The following FSTL5 variants were observed in gnomAD, a reference collection of about 807,000 sequenced individuals.
FSTL5 encodes follistatin like 5.
A neutral mutation model predicts 89.1 loss-of-function variants in FSTL5; 62 were observed. The ratio of observed to expected loss-of-function variants is 0.70; its 90% confidence interval spans 0.57 to 0.86. FSTL5 has a LOEUF of 0.86. FSTL5 is among the 40% of genes least tolerant of loss of function. FSTL5 has a pLI of 0.00. For missense variants in FSTL5, 1,057 were observed against 1,001.6 expected, an observed-to-expected ratio of 1.06 and a Z score of -0.75; for synonymous variants, 383 against 346.2, an observed-to-expected ratio of 1.11 and a Z score of -1.18.
rs960996412 is a variant in FSTL5, at chr4:161,833,041, C to T, written c.410-56967G>A. On this transcript the variant is annotated intron_variant, in intron 4 of 15. Transcript: ENST00000306100. The stretch of plus-strand genomic sequence containing the variant: ...TTAGTGCTATAAATTTCCCTCTACA[C>T]GCTGCTTTGAATGTGTCCCAGAGAT... 2.7e-3 allele frequency among the ~76,000 whole-genome samples: 411 copies of T among 151,254 alleles called. 4 individuals carry two copies. In the South Asian group the frequency reaches 0.047, roughly 17 times the overall value.
intron 14 of FSTL5, 51 bp from the exon 15 acceptor site, chr4:161,455,179 T>A: frequency 7.0e-7 from 1 of 1,422,144 alleles, no homozygotes; most frequent in Non-Finnish European, 9.3e-7. Context: ...CACTTCATAG[T>A]ATAAGCTTTA....
At chr4:161,995,834 T>A (rs1240558272) in intron 3 of FSTL5, among the ~76,000 whole-genome samples, 1 of 151,754 alleles carries the variant, frequency 6.6e-6, no homozygotes, top group Non-Finnish European at 1.5e-5. Flanking sequence ...ACACTGCTTC[T>A]CTGAGTTAAC....
At chr4:161,760,812 G>A (rs1278689566) in intron 5 of FSTL5, among the ~76,000 whole-genome samples, 1 of 152,154 alleles carries the variant, frequency 6.6e-6, no homozygotes, top group Non-Finnish European at 1.5e-5. Flanking sequence ...GATTGGTGAT[G>A]CTACTTTCTA....
In FSTL5 at chr4:161,726,007, G is replaced by A. The variant is rs117516181; in HGVS notation, c.727+33404C>T. ...TCCCCATATCACAGCTAAAGAAAGAGGAACGCTAATTGGTTAAGGAACTTA... is the reference window on the plus strand; with the variant it reads ...TCCCCATATCACAGCTAAAGAAAGAAGAACGCTAATTGGTTAAGGAACTTA... On this transcript the variant is annotated intron_variant, in intron 6 of 15. Coordinates refer to ENST00000306100, the MANE Select transcript of FSTL5 (RefSeq NM_020116.5). Among the ~76,000 whole-genome samples the A allele has an allele frequency of 2.6e-5, 4 of 152,152 alleles. No homozygotes were observed. In the East Asian group the frequency reaches 7.8e-4, roughly 29 times the overall value.
chr4:161,845,713 T>C (rs1731345168), intron 4 of FSTL5, among the ~76,000 whole-genome samples: 1 of 152,204 alleles, frequency 6.6e-6, no homozygotes, highest in South Asian at 2.1e-4. Context: ...AAATTTGTCA[T>C]GTTATTCTTA....
Position 161,459,319 on chromosome 4 carries a change from C to T in FSTL5, c.1609G>A (p.Ala537Thr), listed in dbSNP as rs1415403789. The T allele has an allele frequency of 1.9e-6, 3 of 1,595,816 alleles. No individual in the cohort carries two copies. In the East Asian group the frequency reaches 6.7e-5, roughly 36 times the overall value. The change falls in exon 14 of 16, where the codon GCA (alanine) becomes ACA (threonine). Residue 537 changes from alanine to threonine, a missense_variant and splice_region_variant. Coordinates refer to ENST00000306100, the MANE Select transcript of FSTL5 (RefSeq NM_020116.5). The part of the protein sequence containing the change: ...VDVQSQKVVQ[A>T]VSTDPVPVKL... ...ACTGGGACAGGGTCTGTGCTCACTG[C>T]CTACAATAAAGAAGAATTGAAAAAA...
At chr4:161,981,873 A>C (rs934941093) in intron 3 of FSTL5, among the ~76,000 whole-genome samples, 1 of 151,518 alleles carries the variant, frequency 6.6e-6, no homozygotes, top group South Asian at 2.1e-4. Context: ...TAAACTGTAC[A>C]TTTATACAAT....
intron 15 of FSTL5, among the ~76,000 whole-genome samples, chr4:161,401,890 T>C (rs1246474419): frequency 6.6e-6 from 1 of 152,202 alleles, no homozygotes; most frequent in African/African-American, 2.4e-5. Context: ...ATGGAAATTA[T>C]ATTGCTGTTA....
chr4:161,822,033 T>C (rs1372485474), intron 4 of FSTL5, among the ~76,000 whole-genome samples: 1 of 152,210 alleles, frequency 6.6e-6, no homozygotes, highest in Admixed American at 6.5e-5. Context: ...GTGGTTGTAC[T>C]AGTTTACATT....
chr4:161,765,758 G>A (rs1228546818), intron 5 of FSTL5, among the ~76,000 whole-genome samples: 1 of 151,400 alleles, frequency 6.6e-6, no homozygotes, highest in Non-Finnish European at 1.5e-5. Flanking sequence ...ATAAAGAATT[G>A]ACATATGTTT....
At chr4:161,429,356 C>T (rs114909453) in intron 15 of FSTL5, among the ~76,000 whole-genome samples, 2,308 of 152,234 alleles carry the variant, frequency 0.015, 54 homozygotes, top group African/African-American at 0.052. Flanking sequence ...AGCCCAAGGG[C>T]CTTGAGCAAA....
intron 7 of FSTL5, among the ~76,000 whole-genome samples, chr4:161,605,860 T>C (rs188715449): frequency 1.3e-5 from 2 of 152,172 alleles, no homozygotes; most frequent in African/African-American, 2.4e-5. Context: ...TGGTCTTCTA[T>C]TTTTTTGACT....
At chr4:161,838,044 C>T (rs1731099825) in intron 4 of FSTL5, among the ~76,000 whole-genome samples, 1 of 151,950 alleles carries the variant, frequency 6.6e-6, no homozygotes, top group Non-Finnish European at 1.5e-5. Context: ...TCTATTTTGA[C>T]AAGTAAAAGT....
intron 4 of FSTL5, among the ~76,000 whole-genome samples, chr4:161,848,769 C>A (rs1482529404): frequency 1.3e-5 from 2 of 152,110 alleles, no homozygotes; most frequent in Non-Finnish European, 2.9e-5. Context: ...TGTTCTGATC[C>A]TCATGAAAGA....
In FSTL5 at chr4:162,100,142, T is replaced by A. The variant is rs1579027117; in HGVS notation, c.126+11129A>T. Among the ~76,000 whole-genome samples, 3 of 152,242 alleles carry A rather than the reference T, an allele frequency of 2.0e-5. No homozygotes were observed. The East Asian group carries it at 5.8e-4, about 29-fold the overall frequency. On this transcript the variant is annotated intron_variant, in intron 2 of 15. Coordinates refer to ENST00000306100, the MANE Select transcript of FSTL5 (RefSeq NM_020116.5). ...GGGATGTTTATAGCAGTTTTATTCA[T>A]AATTGCCAAAATTTGGAAGCAACCA...
chr4:161,759,528 T>C lies in FSTL5; in HGVS notation c.610A>G (p.Ile204Val). The C allele has an allele frequency of 6.5e-7, 1 of 1,538,470 alleles. No homozygotes were observed. Among genetic ancestry groups the C allele is most frequent in the Non-Finnish European group, 8.8e-7 (1 of 1,140,132 alleles). The change falls in exon 6 of 16, where the codon ATA (isoleucine) becomes GTA (valine). Residue 204 changes from isoleucine to valine, a missense_variant. Physicochemically the swap from Ile to Val is conservative, Grantham distance 29 (BLOSUM62 3). Coordinates refer to ENST00000306100, the MANE Select transcript of FSTL5 (RefSeq NM_020116.5). ...TCCTTGCCAAGTTCTTCCTGTTTTA[T>C]CACCTAACAAGAAAATTATAAACCA... is the stretch of plus-strand genomic sequence containing the variant. ...LVDINELTQV[I>V]KQEELGKDLF...
At chr4:161,887,403 C>G (rs1449555842) in intron 4 of FSTL5, among the ~76,000 whole-genome samples, 1 of 42,334 alleles carries the variant, frequency 2.4e-5, no homozygotes, top group Non-Finnish European at 7.0e-5. Flanking sequence ...ATCTATCTAT[C>G]TATCTATCTA....
intron 1 of FSTL5, among the ~76,000 whole-genome samples, chr4:162,128,974 C>T (rs1056694436): frequency 1.2e-4 from 18 of 148,142 alleles, no homozygotes; most frequent in African/African-American, 3.5e-4. Flanking sequence ...CAGGCTGGAG[C>T]GCAGTGGCGC....
At chr4:162,018,643 T>C (rs1419014285) in intron 3 of FSTL5, among the ~76,000 whole-genome samples, 2 of 15,608 alleles carry the variant, frequency 1.3e-4, no homozygotes, top group African/African-American at 4.9e-4. Context: ...TAGCTTTACA[T>C]TTCTTTAATT....
Sources: gnomAD v4.1 joint callset for allele counts (sites outside exome capture counted in the v4.1 genomes callset) on GRCh38, gnomAD v4.1.1 for gene constraint, MANE v1.5 for transcripts, NCBI Gene and HGNC (gene_info 2026-07-23, HGNC 2026-07-21) for gene names.